RBFOX1: variants seen among roughly 807,000 people sequenced by gnomAD.
RBFOX1 encodes the protein RNA binding protein fox-1 homolog 1.
In RBFOX1, 8 loss-of-function variants were observed where a neutral mutation model predicts 57.7. The ratio of observed to expected loss-of-function variants is 0.14; its 90% CI spans 0.08 to 0.25. The LOEUF is 0.25. RBFOX1 is among the 10% of genes least tolerant of loss of function. The probability of loss-of-function intolerance (pLI) is 1.00; values close to 1 mark genes in which losing one functional copy is unlikely to be tolerated. For missense variants in RBFOX1, 611 were observed against 548.5 expected, an observed-to-expected ratio of 1.11 and a Z score of -1.14; for synonymous variants, 326 against 222.4, an observed-to-expected ratio of 1.47 and a Z score of -4.15.
chr16:5,716,409 C>G (rs1260067395), intron 3 of RBFOX1, among the ~76,000 whole-genome samples: 1 of 152,172 alleles, frequency 6.6e-6, no homozygotes, highest in African/African-American at 2.4e-5. Context: ...ACCTTCCACC[C>G]TCCGACAGAC....
rs61008217 is a variant in RBFOX1, at chr16:7,344,101, CTTTTTT to C, written c.28-174026_28-174021del. Among the ~76,000 whole-genome samples the C allele has an allele frequency of 2.0e-3, 184 of 90,608 alleles. 1 individual carries two copies. The highest frequency in any genetic ancestry group is 0.021 in the Middle Eastern group (2 of 96). The allele number at this position is 90,608 out of a possible 152,430, so 59.4% of individuals were successfully genotyped here. ...TGCCTGGGTTAGAATCTCAGCTTTA[CTTTTTT>C]TTTTTTTTTTTTTTTTTTTAACTCC... On this transcript the variant is annotated intron_variant, in intron 4 of 15. Coordinates refer to ENST00000550418, the MANE Select transcript of RBFOX1 (RefSeq NM_018723.4).
intron 3 of RBFOX1, among the ~76,000 whole-genome samples, chr16:7,046,416 T>G (rs756845828): frequency 3.9e-5 from 6 of 152,162 alleles, no homozygotes; most frequent in Non-Finnish European, 7.3e-5. Flanking sequence ...TGCAGAAACC[T>G]TATCACCCAT....
At chr16:6,046,308 G>A (rs904548513) in intron 1 of RBFOX1, among the ~76,000 whole-genome samples, 2 of 152,146 alleles carry the variant, frequency 1.3e-5, no homozygotes, top group African/African-American at 2.4e-5. Context: ...ATGAGGAAAA[G>A]GGAGGAAGCA....
At chr16:7,000,591 TC>T (rs2092694580) in intron 3 of RBFOX1, among the ~76,000 whole-genome samples, 9 of 89,628 alleles carry the variant, frequency 1.0e-4, no homozygotes, top group East Asian at 3.6e-4. Context: ...TCTTTCTTTT[TC>T]TTTCTTTTTT....
intron 4 of RBFOX1, among the ~76,000 whole-genome samples, chr16:7,156,988 A>G (rs752247926): frequency 6.6e-6 from 1 of 152,202 alleles, no homozygotes. Context: ...CCTTATAACA[A>G]ACATACATCC....
intron 1 of RBFOX1, among the ~76,000 whole-genome samples, chr16:6,117,273 T>C (rs2096506703): frequency 6.6e-6 from 1 of 151,554 alleles, no homozygotes; most frequent in African/African-American, 2.4e-5. Flanking sequence ...TTTGGAAGTA[T>C]GCTAAACGTA....
chr16:5,479,695 G>T (rs2151640227), intron 2 of RBFOX1, among the ~76,000 whole-genome samples: 1 of 152,152 alleles, frequency 6.6e-6, no homozygotes, highest in Non-Finnish European at 1.5e-5. Context: ...GGAGGTAGAG[G>T]TTGCAGTGAT....
At chr16:5,737,097 T>A (rs2052604767) in intron 3 of RBFOX1, among the ~76,000 whole-genome samples, 1 of 152,018 alleles carries the variant, frequency 6.6e-6, no homozygotes, top group Non-Finnish European at 1.5e-5. Flanking sequence ...TTGCCCATAA[T>A]CTGCTTGAGG....
At chr16:6,555,054 T>C (rs540727375) in intron 2 of RBFOX1, among the ~76,000 whole-genome samples, 1 of 152,242 alleles carries the variant, frequency 6.6e-6, no homozygotes, top group South Asian at 2.1e-4. Flanking sequence ...GCCCAGAATA[T>C]TATGCTAGAA....
chr16:5,267,320 G>C (rs1410296664), intron 1 of RBFOX1, among the ~76,000 whole-genome samples: 1 of 143,394 alleles, frequency 7.0e-6, no homozygotes, highest in East Asian at 2.1e-4. Context: ...TTTCTTTTGA[G>C]ACAGTCTTGC....
intron 1 of RBFOX1, among the ~76,000 whole-genome samples, chr16:5,343,007 C>G (rs1319687670): frequency 1.3e-5 from 2 of 152,092 alleles, no homozygotes; most frequent in Non-Finnish European, 2.9e-5. Context: ...GCATACCACC[C>G]AAGACTAAGT....
At chr16:6,264,611 C>T (rs1226060333) in intron 1 of RBFOX1, among the ~76,000 whole-genome samples, 2 of 152,098 alleles carry the variant, frequency 1.3e-5, no homozygotes, top group Admixed American at 1.3e-4. Flanking sequence ...CTCTTCAGGA[C>T]CTTTTGCTCA....
At chr16:6,128,393 G>T (rs2096605385) in intron 1 of RBFOX1, among the ~76,000 whole-genome samples, 1 of 152,192 alleles carries the variant, frequency 6.6e-6, no homozygotes, top group African/African-American at 2.4e-5. Flanking sequence ...TCCTCAGACT[G>T]AAAGCAATGA....
intron 1 of RBFOX1, among the ~76,000 whole-genome samples, chr16:5,367,908 G>A (rs888228719): frequency 3.9e-5 from 6 of 152,080 alleles, no homozygotes; most frequent in African/African-American, 7.2e-5. Context: ...GACTCTGGAC[G>A]TTAAGAAGAT....
chr16:6,666,924 C>T (rs374187566), intron 3 of RBFOX1, among the ~76,000 whole-genome samples: 7 of 152,174 alleles, frequency 4.6e-5, no homozygotes, highest in African/African-American at 1.7e-4. Context: ...CGGTTCCAAG[C>T]AGTGCCTCAC....
chr16:5,640,222 A>T (rs924503420), intron 3 of RBFOX1, among the ~76,000 whole-genome samples: 1 of 152,216 alleles, frequency 6.6e-6, no homozygotes, highest in South Asian at 2.1e-4. Context: ...CAAAGCACCC[A>T]AGAATCTATA....
At chr16:7,090,874 CT>C in intron 4 of RBFOX1, among the ~76,000 whole-genome samples, 1 of 84,596 alleles carries the variant, frequency 1.2e-5, no homozygotes, top group South Asian at 4.2e-4. Flanking sequence ...GTAAAACCCT[CT>C]TGACCAGCAC....
At chr16:6,866,437 C>T (rs2059920077) in intron 3 of RBFOX1, among the ~76,000 whole-genome samples, 1 of 151,394 alleles carries the variant, frequency 6.6e-6, no homozygotes, top group Non-Finnish European at 1.5e-5. Flanking sequence ...GTGTCTTTCC[C>T]ATCTGCATCT....
At chr16:6,855,974 C>G (rs1049708435) in intron 3 of RBFOX1, among the ~76,000 whole-genome samples, 1 of 152,002 alleles carries the variant, frequency 6.6e-6, no homozygotes, top group Non-Finnish European at 1.5e-5. Flanking sequence ...CCAAAGACTC[C>G]TGCCTAATAC....
Sources: allele counts gnomAD v4.1 joint callset (sites outside exome capture counted in the v4.1 genomes callset), GRCh38; gene constraint gnomAD v4.1.1; transcripts MANE v1.5; gene names NCBI Gene and HGNC (gene_info 2026-07-23, HGNC 2026-07-21).